The following ERICH1 variants were observed in gnomAD, a reference collection of about 807,000 sequenced individuals.
ERICH1 encodes glutamate-rich protein 1.
In ERICH1, 56 loss-of-function variants were observed where a neutral mutation model predicts 39.6. That is an observed-to-expected ratio of 1.41 (90% CI 1.14 to 1.77). The LOEUF is 1.77. Among genes scored for constraint, ERICH1 ranks in the 40% most tolerant of loss-of-function variants. The probability of loss-of-function intolerance (pLI) is 0.00; values close to 1 mark genes in which losing one functional copy is unlikely to be tolerated. For missense variants in ERICH1, 826 were observed against 575.4 expected, an observed-to-expected ratio of 1.44 and a Z score of -4.45; for synonymous variants, 313 against 223.6, an observed-to-expected ratio of 1.40 and a Z score of -3.57.
At chr8:680,092 CCT>C (rs1171640679) in intron 3 of ERICH1, among the ~76,000 whole-genome samples, 1 of 95,138 alleles carries the variant, frequency 1.1e-5, no homozygotes. Context: ...AGCTGCCACC[CCT>C]GTGAACACAG....
At chr8:731,025 G>A (rs1236738921) in intron 1 of ERICH1, 115 bp downstream of exon 1, 13 of 1,248,948 alleles carry the variant, frequency 1.0e-5, no homozygotes, top group South Asian at 3.9e-5. Flanking sequence ...GAGTCGGTCT[G>A]GGTTTGGGGT....
chr8:704,295 C>G (rs1039483573), intron 2 of ERICH1, among the ~76,000 whole-genome samples: 3 of 152,160 alleles, frequency 2.0e-5, no homozygotes, highest in South Asian at 2.1e-4. Flanking sequence ...AAGGAAGCCC[C>G]CGGGAGAGGT....
intron 3 of ERICH1, among the ~76,000 whole-genome samples, chr8:676,562 T>C (rs73521114): frequency 0.14 from 18,580 of 133,362 alleles, 2,774 homozygotes; most frequent in East Asian, 0.48. Context: ...GTGCTGCTGC[T>C]CCCTGACAGA....
At chr8:703,157 G>C (rs542907416) in intron 2 of ERICH1, among the ~76,000 whole-genome samples, 2 of 152,318 alleles carry the variant, frequency 1.3e-5, no homozygotes, top group South Asian at 4.1e-4. Flanking sequence ...GGGAACTGTG[G>C]GAAATGCAGT....
At chr8:617,441 C>A (rs1473353585) in intron 3 of ERICH1, among the ~76,000 whole-genome samples, 1 of 152,228 alleles carries the variant, frequency 6.6e-6, no homozygotes. Context: ...TGGTCCTCAT[C>A]TGACCCCACT....
intron 3 of ERICH1, among the ~76,000 whole-genome samples, chr8:658,522 C>A (rs1455907379): frequency 6.6e-6 from 1 of 152,214 alleles, no homozygotes. Context: ...CTCTCCTGTT[C>A]CTCTCCTCAA....
chr8:678,832 T>G (rs1294668810), intron 3 of ERICH1, among the ~76,000 whole-genome samples: 1 of 151,506 alleles, frequency 6.6e-6, no homozygotes, highest in Non-Finnish European at 1.5e-5. Flanking sequence ...AGCCAACACA[T>G]GTCTTACATA....
intron 3 of ERICH1, among the ~76,000 whole-genome samples, chr8:624,423 A>C (rs1489594211): frequency 1.3e-5 from 2 of 152,256 alleles, no homozygotes; most frequent in East Asian, 3.8e-4. Context: ...GCACAGACCC[A>C]AGAGAAACAA....
intron 3 of ERICH1, among the ~76,000 whole-genome samples, chr8:633,080 C>T (rs986827184): frequency 1.3e-5 from 2 of 152,180 alleles, no homozygotes; most frequent in Non-Finnish European, 2.9e-5. Flanking sequence ...CGGGGCCGCC[C>T]AGGACAGACG....
chr8:729,310 C>G (rs1362239724), intron 1 of ERICH1, among the ~76,000 whole-genome samples: 3 of 152,236 alleles, frequency 2.0e-5, no homozygotes, highest in Non-Finnish European at 2.9e-5. Context: ...CAACCCCCAC[C>G]TGCAACCACC....
intron 3 of ERICH1, among the ~76,000 whole-genome samples, chr8:622,579 C>G (rs1428165289): frequency 6.6e-6 from 1 of 152,146 alleles, no homozygotes; most frequent in Non-Finnish European, 1.5e-5. Flanking sequence ...AGCACCCAGT[C>G]TGAGGTATTT....
At chr8:642,458 C>G (rs1585011566) in intron 3 of ERICH1, among the ~76,000 whole-genome samples, 1 of 150,960 alleles carries the variant, frequency 6.6e-6, no homozygotes, top group South Asian at 2.1e-4. Flanking sequence ...CATTCTCCTG[C>G]CTCAGCCTCC....
rs151130049 is a variant in ERICH1, at chr8:653,518, C to CT, written c.976+15079dup. Among the ~76,000 whole-genome samples, 1,384 of 152,188 alleles carry CT rather than the reference C, an allele frequency of 9.1e-3. 22 individuals are homozygous for CT. The highest frequency in any genetic ancestry group is 0.032 in the African/African-American group (1,308 of 41,518). Reference sequence around the variant, plus strand: ...TGCCGAGTTTTATATATCACTTCCCCTTTTTTTTGTCTATATATTTGTTCT... The same window carrying CT: ...TGCCGAGTTTTATATATCACTTCCCCTTTTTTTTTGTCTATATATTTGTTCT... On this transcript the variant is annotated intron_variant, in intron 3 of 3. Transcript: ENST00000522706.
downstream of ERICH1, among the ~76,000 whole-genome samples, chr8:661,066 T>C (rs974126054): frequency 3.9e-5 from 6 of 152,184 alleles, no homozygotes; most frequent in African/African-American, 1.4e-4. Flanking sequence ...TGCACCACAG[T>C]ATCCTGTTGA....
At chr8:670,667 C>T (rs1019778834) in intron 4 of ERICH1, among the ~76,000 whole-genome samples, 1 of 152,196 alleles carries the variant, frequency 6.6e-6, no homozygotes, top group Non-Finnish European at 1.5e-5. Context: ...CTCTGTGTGG[C>T]TTCTCATCTT....
At chr8:683,209 G>A (rs937670257) in intron 3 of ERICH1, among the ~76,000 whole-genome samples, 3 of 152,226 alleles carry the variant, frequency 2.0e-5, no homozygotes, top group African/African-American at 2.4e-5. Flanking sequence ...GGCTGTGGCT[G>A]GCGTGGACCA....
rs1391040677 is a variant in ERICH1 at position 731,147 on chromosome 8, C to T, written c.15G>A (p.Arg5=). 2.6e-6 allele frequency: 4 copies of T among 1,520,616 alleles called. No individual in the cohort carries two copies. Among genetic ancestry groups the T allele is most frequent in the Middle Eastern group, 1.7e-4 (1 of 5,790 alleles). The allele number at this position is 1,520,616 out of a possible 1,614,324, so 94.2% of individuals were successfully genotyped here. Residue 5 remains arginine (R), a synonymous_variant, in exon 1 of 6, where the codon AGG becomes AGA. Coordinates refer to ENST00000262109, the MANE Select transcript of ERICH1 (RefSeq NM_207332.3). Reference sequence around the variant, plus strand: ...CGCACCGCACCCACCTACCGTGCTTCCTGTGCGCCGCCATGCGGGACCCTG... The same window carrying T: ...CGCACCGCACCCACCTACCGTGCTTTCTGTGCGCCGCCATGCGGGACCCTG... MAAH[R]KHVFVEKVLQ... is the part of the protein sequence containing the mutation.
At chr8:679,839 C>T (rs1347380445) in intron 3 of ERICH1, among the ~76,000 whole-genome samples, 1 of 150,332 alleles carries the variant, frequency 6.7e-6, no homozygotes, top group Non-Finnish European at 1.5e-5. Context: ...CAGCTGCCAC[C>T]CCTGTGAACA....
intron 3 of ERICH1, among the ~76,000 whole-genome samples, chr8:619,196 C>T (rs1797121894): frequency 6.6e-6 from 1 of 151,998 alleles, no homozygotes; most frequent in Non-Finnish European, 1.5e-5. Flanking sequence ...CTCCCAGCCC[C>T]GTGTTAAAAT....
Sources: allele counts gnomAD v4.1 joint callset (sites outside exome capture counted in the v4.1 genomes callset), GRCh38; gene constraint gnomAD v4.1.1; transcripts MANE v1.5; gene names NCBI Gene and HGNC (gene_info 2026-07-23, HGNC 2026-07-21).